Variants in ATP8B4 observed in about 807,000 individuals in gnomAD.
ATP8B4 encodes the protein ATPase phospholipid transporting 8B4 (putative).
Under a neutral mutation model 145.6 loss-of-function variants are expected in ATP8B4, and 133 were observed. That is an observed-to-expected ratio of 0.91 (90% CI 0.79 to 1.05). The LOEUF (loss-of-function observed/expected upper bound fraction) is 1.05. Among genes scored for constraint, ATP8B4 ranks in the 50% least tolerant of loss-of-function variants. The probability of loss-of-function intolerance (pLI) is 0.00; values close to 1 mark genes in which losing one functional copy is unlikely to be tolerated. For synonymous variants in ATP8B4, 507 were observed against 492.9 expected (o/e 1.03, Z -0.38); for missense variants, 1,458 against 1,425.2 (o/e 1.02, Z -0.37).
intron 1 of ATP8B4, among the ~76,000 whole-genome samples, chr15:50,149,083 G>C (rs912415624): frequency 6.6e-6 from 1 of 152,154 alleles, no homozygotes; most frequent in Non-Finnish European, 1.5e-5. Flanking sequence ...CAATACTACA[G>C]AGATGATAAG....
chr15:49,935,441 T>C (rs1192224664), intron 14 of ATP8B4, among the ~76,000 whole-genome samples: 1 of 152,108 alleles, frequency 6.6e-6, no homozygotes. Flanking sequence ...TAATTCTGGA[T>C]TATTTCCCTG....
rs564610402 is a variant in ATP8B4, at chr15:50,054,374, G to T, written c.88-6910C>A. Reference sequence around the variant, plus strand: ...TTACTGGCCAAAAGAGTCACCATGGGTCCAAAAGACAGAAAGCTAGAAACA... The same window carrying T: ...TTACTGGCCAAAAGAGTCACCATGGTTCCAAAAGACAGAAAGCTAGAAACA... On this transcript the variant is annotated intron_variant, in intron 3 of 27. Transcript: ENST00000284509. Among the ~76,000 whole-genome samples, 4 of 152,300 alleles carry T rather than the reference G, an allele frequency of 2.6e-5. No homozygotes were observed. The South Asian group carries it at 8.3e-4, about 32-fold the overall frequency.
upstream of ATP8B4, among the ~76,000 whole-genome samples, chr15:50,121,016 G>C (rs1246568124): frequency 6.6e-6 from 1 of 152,148 alleles, no homozygotes; most frequent in Non-Finnish European, 1.5e-5. Context: ...TAAGAGATAG[G>C]CCTCTTCAGA....
intron 23 of ATP8B4, chr15:49,883,015 C>A (rs756859049): frequency 5.3e-5 from 8 of 152,122 alleles, no homozygotes; most frequent in Non-Finnish European, 1.0e-4. Flanking sequence ...TCCAAAAATC[C>A]TGATGCCCAG....
chr15:50,118,790 AC>A (rs1595619101), intron 1 of ATP8B4, among the ~76,000 whole-genome samples: 1 of 152,166 alleles, frequency 6.6e-6, no homozygotes, highest in African/African-American at 2.4e-5. Flanking sequence ...ACCAACTACT[AC>A]CAAAGGAAGT....
intron 10 of ATP8B4, among the ~76,000 whole-genome samples, chr15:49,984,702 A>G (rs1013363807): frequency 1.2e-4 from 18 of 152,116 alleles, no homozygotes; most frequent in Non-Finnish European, 8.8e-5. Flanking sequence ...ACAAAGCCCA[A>G]CCAGAAGCAG....
At chr15:49,887,730 T>C (rs1023986026) in intron 23 of ATP8B4, among the ~76,000 whole-genome samples, 1 of 151,984 alleles carries the variant, frequency 6.6e-6, no homozygotes, top group African/African-American at 2.4e-5. Context: ...TAAGGAAAGC[T>C]CCTCGCTCCC....
At chr15:50,074,933 G>A (rs551752471) in intron 2 of ATP8B4, among the ~76,000 whole-genome samples, 12 of 152,274 alleles carry the variant, frequency 7.9e-5, no homozygotes, top group African/African-American at 1.9e-4. Context: ...TACTTCCAGA[G>A]TTGACCAAAG....
At chr15:49,954,317 C>CA (rs1364812169) in intron 14 of ATP8B4, among the ~76,000 whole-genome samples, 1 of 151,956 alleles carries the variant, frequency 6.6e-6, no homozygotes, top group African/African-American at 2.4e-5. Context: ...AATACAGCAA[C>CA]AAAACAATTG....
chr15:50,105,198 A>G (rs1024437349), intron 2 of ATP8B4, among the ~76,000 whole-genome samples: 2 of 151,372 alleles, frequency 1.3e-5, no homozygotes, highest in African/African-American at 2.4e-5. Flanking sequence ...AATCACCACT[A>G]AAGAACTTAC....
At chr15:49,992,285 G>C (rs959367765) in intron 9 of ATP8B4, among the ~76,000 whole-genome samples, 1 of 152,100 alleles carries the variant, frequency 6.6e-6, no homozygotes, top group African/African-American at 2.4e-5. Flanking sequence ...CCTTATCAAA[G>C]GCTTCTTTAG....
intron 3 of ATP8B4, among the ~76,000 whole-genome samples, chr15:50,064,025 A>G (rs1281625840): frequency 6.6e-6 from 1 of 152,134 alleles, no homozygotes; most frequent in African/African-American, 2.4e-5. Flanking sequence ...CCCTCTTCTA[A>G]AGGGATAAAA....
chr15:50,168,854 T>A (rs1595665675), intron 1 of ATP8B4, among the ~76,000 whole-genome samples: 1 of 151,938 alleles, frequency 6.6e-6, no homozygotes, highest in South Asian at 2.1e-4. Context: ...ATGGTGGGAG[T>A]GAGACCAGCC....
intron 14 of ATP8B4, among the ~76,000 whole-genome samples, chr15:49,955,307 T>C (rs2043458229): frequency 6.6e-6 from 1 of 152,150 alleles, no homozygotes; most frequent in Admixed American, 6.5e-5. Flanking sequence ...CCTGCACATG[T>C]ACCCCGATTC....
intron 1 of ATP8B4, among the ~76,000 whole-genome samples, chr15:50,143,865 A>G (rs1160456172): frequency 6.6e-6 from 1 of 152,204 alleles, no homozygotes; most frequent in Non-Finnish European, 1.5e-5. Context: ...AAACCCAGAA[A>G]ATACAGGCCT....
intron 2 of ATP8B4, among the ~76,000 whole-genome samples, chr15:50,099,532 C>G (rs542755318): frequency 6.6e-6 from 1 of 152,334 alleles, no homozygotes; most frequent in African/African-American, 2.4e-5. Context: ...CCTCCTACCT[C>G]AGCCTCCTGA....
At chr15:50,099,717 A>C (rs1442621127) in intron 2 of ATP8B4, among the ~76,000 whole-genome samples, 1 of 152,222 alleles carries the variant, frequency 6.6e-6, no homozygotes, top group Non-Finnish European at 1.5e-5. Flanking sequence ...CATTTGAGTC[A>C]AGGGGCTAGA....
At chr15:49,950,615 C>CAACAAAAAA (rs2043003926) in intron 14 of ATP8B4, among the ~76,000 whole-genome samples, 1 of 79,980 alleles carries the variant, frequency 1.3e-5, no homozygotes, top group Non-Finnish European at 2.6e-5. Context: ...AACAAACAAA[C>CAACAAAAAA]AAACAAAAAA....
At chr15:50,040,013 GAAC>G (rs763113320) in intron 5 of ATP8B4, among the ~76,000 whole-genome samples, 2 of 152,172 alleles carry the variant, frequency 1.3e-5, no homozygotes, top group East Asian at 3.8e-4. Context: ...CCTACGAGTA[GAAC>G]AACAGAAATG....
Sources: gnomAD v4.1 joint callset for allele counts (sites outside exome capture counted in the v4.1 genomes callset) on GRCh38, gnomAD v4.1.1 for gene constraint, MANE v1.5 for transcripts, NCBI Gene and HGNC (gene_info 2026-07-23, HGNC 2026-07-21) for gene names.